TARS1: variants seen among roughly 807,000 people sequenced by gnomAD.
TARS1 encodes threonyl-tRNA synthetase 1, also known as threonine--tRNA ligase 1, cytoplasmic.
In TARS1, 57 loss-of-function variants were observed where a neutral mutation model predicts 97.7. That is an observed-to-expected ratio of 0.58 (90% CI 0.47 to 0.73). TARS1 has a LOEUF of 0.73. Among genes scored for constraint, TARS1 ranks in the 30% least tolerant of loss-of-function variants. The pLI, the probability that TARS1 is intolerant of heterozygous loss-of-function variation, is 0.00. For synonymous variants in TARS1, 312 were observed against 293.7 expected (o/e 1.06, Z -0.64); for missense variants, 806 against 888.3 (o/e 0.91, Z 1.18).
At chr5:33,445,748 A>C (rs1169429637) in intron 2 of TARS1, among the ~76,000 whole-genome samples, 5 of 152,216 alleles carry the variant, frequency 3.3e-5, no homozygotes, top group African/African-American at 1.2e-4. Context: ...ATGAGATGTT[A>C]GGGAATAGAG....
At chr5:33,442,880 G>C (rs1310928694) in intron 1 of TARS1, among the ~76,000 whole-genome samples, 1 of 152,132 alleles carries the variant, frequency 6.6e-6, no homozygotes. Flanking sequence ...AGCAGGCGTA[G>C]GAACAGTAAC....
rs1488553292 is a variant in TARS1, at chr5:33,461,913, T to C, written c.1637T>C (p.Ile546Thr). 1.2e-6 allele frequency: 2 copies of C among 1,613,516 alleles called. No individual in the cohort carries two copies. The highest frequency in any genetic ancestry group is 1.7e-6 in the Non-Finnish European group (2 of 1,179,516). Residue 546 changes from isoleucine to threonine, a missense_variant, in exon 15 of 19, where the codon ATA becomes ACA. Coordinates refer to ENST00000265112, the MANE Select transcript of TARS1 (RefSeq NM_152295.5). ...CCAGTCTTTGCTTCTTAGATTGACA[T>C]ACAGATTAAAGATGCGATTGGGCGG... Reference protein sequence around the residue: ...DGAFYGPKIDIQIKDAIGRYH... With the variant: ...DGAFYGPKIDTQIKDAIGRYH...
intron 2 of TARS1, chr5:33,446,299 A>G (rs1741409769): frequency 3.5e-6 from 1 of 282,136 alleles, no homozygotes; most frequent in African/African-American, 2.2e-5. Context: ...TGATCAGTTG[A>G]TCAGTCTCCC....
In TARS1 at chr5:33,445,359, CA is replaced by C; in HGVS notation, c.98del (p.Lys33ArgfsTer15). ...GTGAAGAGAAGCAAAAGGAAGGAGG[CA>C]AAAAGAAGAACAAAGAAGGATCTGG... ...AGEEKQKEGG[K>X]KKNKEGSGDG... On this transcript the variant is annotated frameshift_variant, in exon 2 of 19. Coordinates refer to ENST00000265112, the MANE Select transcript of TARS1 (RefSeq NM_152295.5). LOFTEE classifies it high-confidence loss of function. The C allele has an allele frequency of 3.1e-6, 5 of 1,613,018 alleles. No individual in the cohort carries two copies. Among genetic ancestry groups the C allele is most frequent in the Non-Finnish European group, 4.2e-6 (5 of 1,179,376 alleles).
In TARS1 at chr5:33,449,698, G is replaced by A. The variant is rs549078321; in HGVS notation, c.329+967G>A. Among the ~76,000 whole-genome samples the A allele has an allele frequency of 1.1e-4, 17 of 151,812 alleles. No individual in the cohort carries two copies. In the East Asian group the frequency reaches 2.3e-3, roughly 21 times the overall value. Reference sequence around the variant, plus strand: ...TCTCGATCTCCTGACCTTGTGATCCGTCCGCCTCGGCCTCCCAAAGTGCTG... The same window carrying A: ...TCTCGATCTCCTGACCTTGTGATCCATCCGCCTCGGCCTCCCAAAGTGCTG... On this transcript the variant is annotated intron_variant, in intron 3 of 18. Coordinates refer to ENST00000265112, the MANE Select transcript of TARS1 (RefSeq NM_152295.5).
chr5:33,463,770 C>G lies in TARS1; in HGVS notation c.1853C>G (p.Pro618Arg). The G allele has an allele frequency of 6.2e-7, 1 of 1,612,344 alleles. No homozygotes were observed. Among genetic ancestry groups the G allele is most frequent in the Non-Finnish European group, 8.5e-7 (1 of 1,179,196 alleles). Residue 618 changes from proline (P) to arginine (R), a missense_variant, in exon 17 of 19, where the codon CCT becomes CGT. Physicochemically the swap from Pro to Arg is moderately radical, Grantham distance 103. Transcript: ENST00000265112. Reference protein sequence around the residue: ...YGGKWPFWLSPRQVMVVPVGP... With the variant: ...YGGKWPFWLSRRQVMVVPVGP... ...TTCCAAAGGCCCTTTTGGCTGTCCCCTCGCCAGGTAATGGTAGTTCCAGTG... is the reference window on the plus strand; with the variant it reads ...TTCCAAAGGCCCTTTTGGCTGTCCCGTCGCCAGGTAATGGTAGTTCCAGTG...
In TARS1 at chr5:33,459,727, A is replaced by G; in HGVS notation, c.1116A>G (p.Val372=). The G allele has an allele frequency of 6.2e-7, 1 of 1,614,202 alleles. No homozygotes were observed. The highest frequency in any genetic ancestry group is 1.1e-5 in the South Asian group (1 of 91,088). Residue 372 remains valine (V), a synonymous_variant, in exon 11 of 19, where the codon GTA becomes GTG. Transcript: ENST00000265112. ...ATAGGAAAAGAGGATTCCAGGAGGT[A>G]GTCACCCCAAACATCTTCAACAGCC... The part of the protein sequence containing the change: ...SEYRKRGFQE[V]VTPNIFNSRL...
chr5:33,467,470 G>C, intron 18 of TARS1, 90 bp from the exon 19 acceptor site: 1 of 1,459,510 alleles, frequency 6.9e-7, no homozygotes, highest in Non-Finnish European at 9.2e-7. Flanking sequence ...GTAGGTTTTG[G>C]GTCCTAGGAT....
At chr5:33,458,501 T>C in intron 9 of TARS1, 65 bp from the exon 10 acceptor site, 1 of 1,381,770 alleles carries the variant, frequency 7.2e-7, no homozygotes, top group Non-Finnish European at 1.0e-6. Flanking sequence ...CACTGAAATT[T>C]ATGTATATAT....
chr5:33,442,706 G>T (rs1035351315), intron 1 of TARS1, among the ~76,000 whole-genome samples: 1 of 152,040 alleles, frequency 6.6e-6, no homozygotes, highest in Non-Finnish European at 1.5e-5. Flanking sequence ...GGGTTTCACC[G>T]TGTTAGCCAG....
At chr5:33,463,604 T>G in intron 16 of TARS1, 149 bp from the exon 17 acceptor site, 1 of 650,808 alleles carries the variant, frequency 1.5e-6, no homozygotes, top group Non-Finnish European at 2.6e-6. Context: ...GGATAGGTCT[T>G]TTCATTTTGG....
chr5:33,454,933 T>G lies in TARS1; in HGVS notation c.454-12T>G. The G allele has an allele frequency of 6.2e-7, 1 of 1,612,314 alleles. No individual in the cohort carries two copies. ...AAGACTCAGACCATGCCATTTTTCTTTAAATTTTCAGGTGTATTGGCACTC... is the reference window on the plus strand; with the variant it reads ...AAGACTCAGACCATGCCATTTTTCTGTAAATTTTCAGGTGTATTGGCACTC... On this transcript the variant is annotated splice_polypyrimidine_tract_variant and intron_variant, in intron 4 of 18. Transcript: ENST00000265112.
In TARS1 at chr5:33,459,863, T is replaced by C. The variant is rs747961263; in HGVS notation, c.1250+2T>C. 33 of 1,603,246 alleles carry C rather than the reference T, an allele frequency of 2.1e-5. No homozygotes were observed. The highest frequency in any genetic ancestry group is 2.6e-5 in the Non-Finnish European group (30 of 1,172,294). On this transcript the variant is annotated splice_donor_variant, in intron 11 of 18. Coordinates refer to ENST00000265112, the MANE Select transcript of TARS1 (RefSeq NM_152295.5). LOFTEE classifies it high-confidence loss of function. ...ACCCATGAACTGCCCAGGACACTGG[T>C]ATTCGGCAGCTTTGAATTTCTACTG...
chr5:33,462,144 C>T lies in TARS1; in HGVS notation c.1776C>T (p.Ala592=). The T allele has an allele frequency of 6.2e-7, 1 of 1,613,074 alleles. No homozygotes were observed. Among genetic ancestry groups the T allele is most frequent in the Non-Finnish European group, 8.5e-7 (1 of 1,179,848 alleles). The change falls in exon 16 of 19, where the codon GCC becomes GCT. Residue 592 remains alanine, a synonymous_variant. Coordinates refer to ENST00000265112, the MANE Select transcript of TARS1 (RefSeq NM_152295.5). The stretch of plus-strand genomic sequence containing the variant: ...AAAGGCCAGTGATTGTTCATCGAGC[C>T]ATCTTGGGATCAGTGGAAAGAATGA... The part of the protein sequence containing the change: ...DKKRPVIVHR[A]ILGSVERMIA...
intron 4 of TARS1, 62 bp downstream of exon 4, chr5:33,453,474 C>T: frequency 6.3e-7 from 1 of 1,594,772 alleles, no homozygotes. Flanking sequence ...AAGTCTTTTC[C>T]AGCTCAGTCC....
In TARS1 at chr5:33,464,493, C is replaced by T. The variant is rs188305748; in HGVS notation, c.1908+668C>T. Among the ~76,000 whole-genome samples the T allele has an allele frequency of 3.3e-5, 5 of 152,278 alleles. No homozygotes were observed. In the East Asian group the frequency reaches 9.6e-4, roughly 29 times the overall value. On this transcript the variant is annotated intron_variant, in intron 17 of 18. Coordinates refer to ENST00000265112, the MANE Select transcript of TARS1 (RefSeq NM_152295.5). ...ACTTCACTTTAAAGCATTGTTCTGCCATAGTGAAAATTCCATACTAAGGAA... is the reference window on the plus strand; with the variant it reads ...ACTTCACTTTAAAGCATTGTTCTGCTATAGTGAAAATTCCATACTAAGGAA...
At chr5:33,445,541 A>G in intron 2 of TARS1, 137 bp downstream of exon 2, 2 of 646,034 alleles carry the variant, frequency 3.1e-6, no homozygotes, top group East Asian at 2.8e-5. Flanking sequence ...AAAAATCAGG[A>G]AGAAGAATTA....
At position 33,441,040 on chromosome 5, in the gene TARS1, C is replaced by T. The variant is rs370371727; in HGVS notation, c.-47C>T. Reference sequence around the variant, plus strand: ...TCCCACCCGCCTCTTGGCTCCTCTCCTCTAGGCCGTCGCTTTCGGGTTCTC... The same window carrying T: ...TCCCACCCGCCTCTTGGCTCCTCTCTTCTAGGCCGTCGCTTTCGGGTTCTC... On this transcript the variant is annotated 5_prime_UTR_variant, in exon 1 of 19. Transcript: ENST00000265112. 36 of 1,613,580 alleles carry T rather than the reference C, an allele frequency of 2.2e-5. No homozygotes were observed. In the Admixed American group the frequency reaches 4.5e-4, roughly 20 times the overall value.
In TARS1 at chr5:33,441,026, T is replaced by A; in HGVS notation, c.-61T>A. On this transcript the variant is annotated 5_prime_UTR_variant, in exon 1 of 19. Coordinates refer to ENST00000265112, the MANE Select transcript of TARS1 (RefSeq NM_152295.5). ...GGCGCTAGCCCACCTCCCACCCGCC[T>A]CTTGGCTCCTCTCCTCTAGGCCGTC... 3 of 1,610,348 alleles carry A rather than the reference T, an allele frequency of 1.9e-6. No homozygotes were observed. The highest frequency in any genetic ancestry group is 2.5e-6 in the Non-Finnish European group (3 of 1,177,158).
Sources: gnomAD v4.1 joint callset for allele counts (sites outside exome capture counted in the v4.1 genomes callset) on GRCh38, gnomAD v4.1.1 for gene constraint, MANE v1.5 for transcripts, NCBI Gene and HGNC (gene_info 2026-07-23, HGNC 2026-07-21) for gene names.